Variants in ANO7 observed in about 807,000 individuals in gnomAD.
ANO7 encodes the protein anoctamin-7.
In ANO7, 114 loss-of-function variants were observed where a neutral mutation model predicts 115.8. That is an observed-to-expected ratio of 0.98 (90% CI 0.85 to 1.15). The LOEUF is 1.15. Ranked by LOEUF, ANO7 falls within the 50% of genes most tolerant of loss-of-function variation. The probability of loss-of-function intolerance (pLI) is 0.00; values close to 1 mark genes in which losing one functional copy is unlikely to be tolerated. For synonymous variants in ANO7, 550 were observed against 498.2 expected (o/e 1.10, Z -1.38); for missense variants, 1,302 against 1,201.2 (o/e 1.08, Z -1.24).
At chr2:241,231,032 C>T in the ANO7 span, 9 of 1,156,544 alleles carry the variant, frequency 7.8e-6, no homozygotes, top group Admixed American at 3.7e-5. Flanking sequence ...CTGAGGAAAA[C>T]AGCTCAGGAG....
At chr2:241,191,581 G>C (rs1205959067) in intron 3 of ANO7, among the ~76,000 whole-genome samples, 9 of 152,040 alleles carry the variant, frequency 5.9e-5, no homozygotes, top group African/African-American at 1.9e-4. Context: ...CTTATCTCTT[G>C]CACTCCACCC....
chr2:241,205,438 G>A (rs1447141034), intron 10 of ANO7, among the ~76,000 whole-genome samples: 2 of 150,566 alleles, frequency 1.3e-5, no homozygotes, highest in Non-Finnish European at 3.0e-5. Flanking sequence ...AGGTAGACAG[G>A]TGTGCTCTCA....
chr2:241,220,886 A>AT (rs1441498752), intron 21 of ANO7, among the ~76,000 whole-genome samples: 2 of 145,808 alleles, frequency 1.4e-5, no homozygotes, highest in Admixed American at 6.9e-5. Flanking sequence ...CAGGAGGATC[A>AT]TTTCAACTCG....
chr2:241,192,557 G>C (rs1198418493), intron 3 of ANO7, among the ~76,000 whole-genome samples: 1 of 152,134 alleles, frequency 6.6e-6, no homozygotes, highest in South Asian at 2.1e-4. Flanking sequence ...TAGCCATCAC[G>C]TGTCTTTAAT....
At chr2:241,230,130 C>T (rs1452470218), downstream of ANO7, 3 of 1,600,820 alleles carry the variant, frequency 1.9e-6, no homozygotes, top group Non-Finnish European at 2.6e-6. The surrounding 1 kb of genome is among the most constrained non-coding windows in gnomAD (Gnocchi z 5.0). Context: ...CGCCTCAGGG[C>T]TCCAAGGCCC....
the ANO7 span, chr2:241,236,073 A>T: frequency 5.4e-6 from 1 of 185,908 alleles, no homozygotes; most frequent in Admixed American, 5.5e-5. Flanking sequence ...ACCGCCCTTC[A>T]CCTCCAGAAC....
intron 21 of ANO7, among the ~76,000 whole-genome samples, chr2:241,221,149 G>A (rs2069002317): frequency 6.6e-6 from 1 of 151,028 alleles, no homozygotes; most frequent in Non-Finnish European, 1.5e-5. Context: ...TTGGCTCACT[G>A]CACGCAACCT....
intron 19 of ANO7, among the ~76,000 whole-genome samples, chr2:241,216,710 C>G (rs1050680953): frequency 6.6e-6 from 1 of 152,228 alleles, no homozygotes; most frequent in African/African-American, 2.4e-5. Flanking sequence ...GCCAGGGGCT[C>G]ACTGCCTGCA....
chr2:241,235,129 C>G, the ANO7 span: 2 of 1,613,270 alleles, frequency 1.2e-6, no homozygotes, highest in South Asian at 2.2e-5. Flanking sequence ...ACCCGGTCCT[C>G]CTGCTCGGCC....
At position 241,225,722 on chromosome 2, in the gene ANO7, G is replaced by C. The variant is rs958241992; in HGVS notation, c.*1569G>C. Among the ~76,000 whole-genome samples, 2 of 152,154 alleles carry C rather than the reference G, an allele frequency of 1.3e-5. No individual in the cohort carries two copies. The highest frequency in any genetic ancestry group is 4.8e-5 in the African/African-American group (2 of 41,428). On this transcript the variant is annotated 3_prime_UTR_variant, in exon 25 of 25. Transcript: ENST00000674324. ...TTGCTACTTGTTCACCTGCCTCTTAGGAGCACTGTGCCCTGCCTCCATGGA... is the reference window on the plus strand; with the variant it reads ...TTGCTACTTGTTCACCTGCCTCTTACGAGCACTGTGCCCTGCCTCCATGGA...
chr2:241,210,197 C>T, intron 13 of ANO7, 98 bp from the exon 14 acceptor site: 2 of 1,192,752 alleles, frequency 1.7e-6, no homozygotes, highest in Non-Finnish European at 2.5e-6. Context: ...GTGCTGGGGC[C>T]AGCAGTGGAC....
intron 3 of ANO7, 99 bp downstream of exon 3, chr2:241,191,350 C>T (rs977284281): frequency 1.4e-6 from 2 of 1,456,088 alleles, no homozygotes; most frequent in African/African-American, 2.8e-5. Flanking sequence ...GTAGCCTCCT[C>T]AGTAGCCACT....
intron 5 of ANO7, 126 bp downstream of exon 5, chr2:241,199,549 C>A: frequency 3.4e-6 from 3 of 876,546 alleles, no homozygotes; most frequent in South Asian, 1.5e-5. Context: ...TCCTCCTACC[C>A]ACCCCGACAC....
intron 10 of ANO7, 56 bp from the exon 11 acceptor site, chr2:241,207,518 G>C (rs1259011231): frequency 2.7e-6 from 4 of 1,497,816 alleles, no homozygotes; most frequent in Non-Finnish European, 3.7e-6. Flanking sequence ...TGGCTGGGAG[G>C]AGCAAGCAGC....
the ANO7 span, chr2:241,234,995 C>A: frequency 1.7e-6 from 2 of 1,164,408 alleles, no homozygotes; most frequent in Non-Finnish European, 2.4e-6. Context: ...CTGGCACTGC[C>A]TGCATCTCAC....
At chr2:241,231,499 G>C in the ANO7 span, among the ~76,000 whole-genome samples, 1 of 151,964 alleles carries the variant, frequency 6.6e-6, no homozygotes, top group African/African-American at 2.4e-5. Context: ...AAGGACATTT[G>C]TCCTCAAAGA....
In ANO7 at chr2:241,190,082, C is replaced by G. The variant is rs1358584297; in HGVS notation, c.19C>G (p.Gln7Glu). 1 of 1,580,618 alleles carries G rather than the reference C, an allele frequency of 6.3e-7. No individual in the cohort carries two copies. ...GAGCAGGATGCTGCGGCGACGGGCCCAGGAAGAGGACAGCACCGTCCTGAT... is the reference window on the plus strand; with the variant it reads ...GAGCAGGATGCTGCGGCGACGGGCCGAGGAAGAGGACAGCACCGTCCTGAT... MLRRRAQEEDSTVLIDV... is the reference protein window; with the variant it reads MLRRRAEEEDSTVLIDV... The change falls in exon 2 of 25, where the codon CAG becomes GAG. Residue 7 changes from glutamine (Q) to glutamate (E), a missense_variant. Transcript: ENST00000674324.
rs1473163623 is a variant in ANO7 at position 241,214,843 on chromosome 2, G to A, written c.1767G>A (p.Glu589=). Residue 589 remains glutamate (E), a synonymous_variant, in exon 18 of 25, where the codon GAG becomes GAA. Transcript: ENST00000674324. ...GCTGCCTGATCGAGCTGGCACAGGA[G>A]CTCCTGGTCATCATGGTGGGCAAGC... ...AGGCLIELAQ[E]LLVIMVGKQV... The A allele has an allele frequency of 6.2e-7, 1 of 1,612,660 alleles. No individual in the cohort carries two copies. Among genetic ancestry groups the A allele is most frequent in the Admixed American group, 1.7e-5 (1 of 59,986 alleles).
chr2:241,212,333 G>T, intron 16 of ANO7, 128 bp downstream of exon 16: 2 of 1,022,378 alleles, frequency 2.0e-6, no homozygotes, highest in South Asian at 1.4e-5. Context: ...CGGAGACCCA[G>T]GCAGGGGACA....
Sources: allele counts gnomAD v4.1 joint callset (sites outside exome capture counted in the v4.1 genomes callset), GRCh38; gene constraint gnomAD v4.1.1; non-coding constraint Gnocchi (gnomAD v3.1); transcripts MANE v1.5; gene names NCBI Gene and HGNC (gene_info 2026-07-23, HGNC 2026-07-21).